CADM1: variants seen among roughly 807,000 people sequenced by gnomAD.
CADM1 encodes the protein cell adhesion molecule 1.
A neutral mutation model predicts 53.1 loss-of-function variants in CADM1; 15 were observed. The ratio of observed to expected loss-of-function variants is 0.28; its 90% CI spans 0.19 to 0.44. The LOEUF (loss-of-function observed/expected upper bound fraction) is 0.44. CADM1 is among the 20% of genes least tolerant of loss of function. The pLI, the probability that CADM1 is intolerant of heterozygous loss-of-function variation, is 1.00. For synonymous variants in CADM1, 281 were observed against 243.0 expected (o/e 1.16, Z -1.45); for missense variants, 434 against 611.3 (o/e 0.71, Z 3.06).
At chr11:115,472,752 A>G (rs1449037232) in intron 1 of CADM1, among the ~76,000 whole-genome samples, 2 of 152,174 alleles carry the variant, frequency 1.3e-5, no homozygotes, top group Non-Finnish European at 2.9e-5. Context: ...CAAGGAACAT[A>G]TATTTATGTT....
intron 1 of CADM1, among the ~76,000 whole-genome samples, chr11:115,249,762 C>T (rs1242988530): frequency 2.0e-5 from 3 of 152,090 alleles, no homozygotes; most frequent in East Asian, 1.9e-4. Flanking sequence ...ATTGGCTTTC[C>T]CTAACCAAAT....
intron 1 of CADM1, among the ~76,000 whole-genome samples, chr11:115,373,169 C>T (rs927183591): frequency 6.6e-6 from 1 of 152,164 alleles, no homozygotes. Context: ...TTCAAGCGGT[C>T]AAAGATAACT....
chr11:115,235,068 G>T (rs1941964511), intron 3 of CADM1, among the ~76,000 whole-genome samples: 2 of 151,760 alleles, frequency 1.3e-5, no homozygotes, highest in African/African-American at 4.8e-5. Context: ...GTTAGAAGAA[G>T]AAACAGGCAT....
chr11:115,474,739 C>T (rs1949092565), intron 1 of CADM1, among the ~76,000 whole-genome samples: 1 of 151,386 alleles, frequency 6.6e-6, no homozygotes, highest in African/African-American at 2.4e-5. Flanking sequence ...AAGAGATATA[C>T]CTAATGTAAA....
chr11:115,194,644 T>C (rs1940061657), intron 9 of CADM1, among the ~76,000 whole-genome samples: 1 of 151,760 alleles, frequency 6.6e-6, no homozygotes, highest in Non-Finnish European at 1.5e-5. Context: ...TTGAAAATAA[T>C]AAAATGGAGA....
intron 5 of CADM1, among the ~76,000 whole-genome samples, chr11:115,224,940 A>G (rs909722297): frequency 6.6e-6 from 1 of 152,192 alleles, no homozygotes; most frequent in Non-Finnish European, 1.5e-5. Flanking sequence ...CATTCGCAAG[A>G]AAAAAATGCA....
chr11:115,464,919 C>T (rs1948866586), intron 1 of CADM1, among the ~76,000 whole-genome samples: 1 of 152,170 alleles, frequency 6.6e-6, no homozygotes, highest in Non-Finnish European at 1.5e-5. Flanking sequence ...TAATCTGGTA[C>T]CATGTTTTCA....
At chr11:115,413,895 G>A (rs533721010) in intron 1 of CADM1, among the ~76,000 whole-genome samples, 5 of 151,966 alleles carry the variant, frequency 3.3e-5, no homozygotes, top group East Asian at 3.9e-4. Context: ...CACCCGCCTC[G>A]GACTCCCAAA....
rs1223974480 is a variant in CADM1 at position 115,291,035 on chromosome 11, T to C, written c.125-50615A>G. Among the ~76,000 whole-genome samples the C allele has an allele frequency of 5.3e-5, 8 of 152,256 alleles. No homozygotes were observed. In the East Asian group the frequency reaches 9.7e-4, roughly 18 times the overall value. ...TGTTCCCATCTGATTGCCTTCAAGA[T>C]AGCGTAGTGCCCAACATGAAAGGAT... On this transcript the variant is annotated intron_variant, in intron 1 of 11. Transcript: ENST00000331581.
chr11:115,482,763 AG>A (rs1351892354), intron 1 of CADM1, among the ~76,000 whole-genome samples: 24 of 152,212 alleles, frequency 1.6e-4, no homozygotes, highest in Non-Finnish European at 2.6e-4. Context: ...GCCAAGAAAA[AG>A]GTTGTAGTGA....
chr11:115,366,462 T>C (rs781003199), intron 1 of CADM1, among the ~76,000 whole-genome samples: 3 of 152,236 alleles, frequency 2.0e-5, no homozygotes, highest in Non-Finnish European at 2.9e-5. Context: ...AGGCTTAGTC[T>C]ACTAGTACCT....
At chr11:115,238,467 T>C (rs754237794) in intron 3 of CADM1, 33 bp downstream of exon 3, 1 of 1,611,642 alleles carries the variant, frequency 6.2e-7, no homozygotes, top group Admixed American at 1.7e-5. Context: ...CTCTATTCCA[T>C]TTCCCCGGGT....
intron 1 of CADM1, among the ~76,000 whole-genome samples, chr11:115,264,356 C>T (rs1943067939): frequency 6.6e-6 from 1 of 152,176 alleles, no homozygotes; most frequent in South Asian, 2.1e-4. Flanking sequence ...AATCACTTTA[C>T]TTAACACACA....
chr11:115,350,906 G>A (rs549675184), intron 1 of CADM1, among the ~76,000 whole-genome samples: 6 of 146,472 alleles, frequency 4.1e-5, no homozygotes, highest in South Asian at 4.3e-4. Flanking sequence ...TTCACTTGCC[G>A]CATTCTTTTA....
intron 9 of CADM1, among the ~76,000 whole-genome samples, chr11:115,197,643 C>T (rs965405402): frequency 6.6e-6 from 1 of 152,164 alleles, no homozygotes; most frequent in African/African-American, 2.4e-5. Flanking sequence ...AGCTTTGACT[C>T]ACCCAGTTTT....
At position 115,370,049 on chromosome 11, in the gene CADM1, C is replaced by T. The variant is rs142753911; in HGVS notation, c.125-129629G>A. 2.1e-3 allele frequency among the ~76,000 whole-genome samples: 315 copies of T among 152,250 alleles called. 1 individual carries two copies. Among genetic ancestry groups the T allele is most frequent in the Non-Finnish European group, 3.0e-3 (202 of 68,010 alleles). ...GCCCTGATCTCTCCTTCAAGTTGCT[C>T]CTGATTCAAGCTGATAATTTTGCTC... On this transcript the variant is annotated intron_variant, in intron 1 of 11. Transcript: ENST00000331581.
At chr11:115,474,199 G>C (rs952251025) in intron 1 of CADM1, among the ~76,000 whole-genome samples, 2 of 148,516 alleles carry the variant, frequency 1.3e-5, no homozygotes, top group African/African-American at 5.0e-5. Context: ...GCTGAGGCAG[G>C]AGAATGGCGT....
At chr11:115,234,979 A>AAT (rs1941961900) in intron 3 of CADM1, among the ~76,000 whole-genome samples, 1 of 151,964 alleles carries the variant, frequency 6.6e-6, no homozygotes. Context: ...CATCCTGTGA[A>AAT]ATCACTGAAT....
At position 115,295,550 on chromosome 11, in the gene CADM1, A is replaced by AAT. The variant is rs1555057811; in HGVS notation, c.125-55132_125-55131dup. Among the ~76,000 whole-genome samples, 280 of 52,986 alleles carry AAT rather than the reference A, an allele frequency of 5.3e-3. 18 individuals carry two copies. The highest frequency in any genetic ancestry group is 0.014 in the East Asian group (14 of 988). The allele number at this position is 52,986 out of a possible 152,430, so 34.8% of individuals were successfully genotyped here. A position where few individuals can be genotyped will look rare whatever the true frequency, so the allele number is the denominator to read the frequency against. On this transcript the variant is annotated intron_variant, in intron 1 of 11. Coordinates refer to ENST00000331581, the MANE Select transcript of CADM1 (RefSeq NM_001301043.2). The stretch of plus-strand genomic sequence containing the variant: ...TATATATATATATATATATATATAT[A>AAT]ATATATATGTATATGCACATATATA...
Sources: allele counts gnomAD v4.1 joint callset (sites outside exome capture counted in the v4.1 genomes callset), GRCh38; gene constraint gnomAD v4.1.1; transcripts MANE v1.5; gene names NCBI Gene and HGNC (gene_info 2026-07-23, HGNC 2026-07-21).